RHBDL2: variants seen among roughly 807,000 people sequenced by gnomAD.
The protein encoded by RHBDL2 is rhomboid like 2.
A neutral mutation model predicts 31.7 loss-of-function variants in RHBDL2; 26 were observed. The observed-to-expected ratio is 0.82, with a 90% CI of 0.60 to 1.14. The LOEUF (loss-of-function observed/expected upper bound fraction) is 1.14, where lower values mean the gene tolerates loss of function less well. Ranked by LOEUF, RHBDL2 falls within the 50% of genes most tolerant of loss-of-function variation. RHBDL2 has a pLI of 0.00. For missense variants in RHBDL2, 336 were observed against 364.4 expected (o/e 0.92, Z 0.63); for synonymous variants, 123 against 127.2 (o/e 0.97, Z 0.22).
intron 4 of RHBDL2, among the ~76,000 whole-genome samples, chr1:38,903,909 C>T (rs1643026969): frequency 6.6e-6 from 1 of 152,124 alleles, no homozygotes; most frequent in South Asian, 2.1e-4. Flanking sequence ...AATTAACACA[C>T]TCATATATAC....
intron 1 of RHBDL2, among the ~76,000 whole-genome samples, chr1:38,931,102 G>A (rs765505056): frequency 7.2e-5 from 11 of 152,124 alleles, no homozygotes; most frequent in African/African-American, 2.4e-4. Flanking sequence ...AGTTCACCCC[G>A]GATCAACAGA....
chr1:38,926,564 C>A (rs1324536885), intron 1 of RHBDL2: 1 of 152,252 alleles, frequency 6.6e-6, no homozygotes, highest in African/African-American at 2.4e-5. Context: ...GGGCAGGGCG[C>A]GGTGGCTCAC....
At chr1:38,935,819 G>A (rs545885834) in intron 1 of RHBDL2, among the ~76,000 whole-genome samples, 3 of 152,054 alleles carry the variant, frequency 2.0e-5, no homozygotes, top group East Asian at 1.9e-4. Context: ...TAGCCATGTC[G>A]CCCATGCTGG....
chr1:38,919,016 G>A lies in RHBDL2; in HGVS notation c.197C>T (p.Ala66Val). 6.2e-7 allele frequency: 1 copy of A among 1,614,100 alleles called. No individual in the cohort carries two copies. Among genetic ancestry groups the A allele is most frequent in the Non-Finnish European group, 8.5e-7 (1 of 1,180,014 alleles). The change falls in exon 2 of 8, where the codon GCT becomes GTT. Residue 66 changes from alanine (A) to valine (V), a missense_variant. Coordinates refer to ENST00000372990, the MANE Select transcript of RHBDL2 (RefSeq NM_017821.5). ...GAACACGGGAGGCGGGAAGCAGTTA[G>A]CTCTCTCCAAGTATGTTCCTCGGGA... is the stretch of plus-strand genomic sequence containing the variant. The part of the protein sequence containing the change: ...EKSRGTYLER[A>V]NCFPPPVFII...
chr1:38,922,141 C>T (rs1023629370), intron 1 of RHBDL2, among the ~76,000 whole-genome samples: 12 of 152,140 alleles, frequency 7.9e-5, no homozygotes, highest in Admixed American at 4.6e-4. Context: ...TTGACCCAAC[C>T]GGTTTAGCCA....
intron 4 of RHBDL2, among the ~76,000 whole-genome samples, chr1:38,904,339 G>A (rs1373239072): frequency 6.6e-6 from 1 of 152,026 alleles, no homozygotes; most frequent in Non-Finnish European, 1.5e-5. Flanking sequence ...CAGGTGTGGT[G>A]GTGTGCGCCT....
intron 1 of RHBDL2, among the ~76,000 whole-genome samples, chr1:38,923,370 G>A (rs898135742): frequency 1.3e-5 from 2 of 152,292 alleles, no homozygotes; most frequent in African/African-American, 4.8e-5. Context: ...GGACTTCAGC[G>A]GGGTTGCTGT....
chr1:38,939,837 C>T (rs567124570), intron 1 of RHBDL2, among the ~76,000 whole-genome samples: 1 of 152,166 alleles, frequency 6.6e-6, no homozygotes, highest in South Asian at 2.1e-4. Context: ...CGTGAGCCAC[C>T]GTGCCAGGAC....
intron 4 of RHBDL2, among the ~76,000 whole-genome samples, chr1:38,905,304 A>T (rs2124317870): frequency 6.6e-6 from 1 of 151,264 alleles, no homozygotes; most frequent in Admixed American, 6.6e-5. Context: ...AACTCAGGCA[A>T]TCCTCCTGCC....
intron 4 of RHBDL2, 62 bp from the exon 5 acceptor site, chr1:38,896,131 CTAAT>C: frequency 7.9e-6 from 10 of 1,265,178 alleles, no homozygotes; most frequent in African/African-American, 1.5e-5. Flanking sequence ...ATAAATCTTT[CTAAT>C]CTAAGGTAGA....
At chr1:38,900,384 C>T (rs944890669) in intron 4 of RHBDL2, among the ~76,000 whole-genome samples, 2 of 151,532 alleles carry the variant, frequency 1.3e-5, no homozygotes, top group East Asian at 1.9e-4. Flanking sequence ...CACTTTGGGA[C>T]GACAAGGCAG....
chr1:38,912,963 C>CAT (rs1553159170), intron 3 of RHBDL2, among the ~76,000 whole-genome samples: 2 of 112,272 alleles, frequency 1.8e-5, no homozygotes, highest in East Asian at 2.6e-4. Context: ...TACATATACA[C>CAT]GTGTGTGTGT....
At chr1:38,941,245 A>G (rs1027793007) in intron 1 of RHBDL2, among the ~76,000 whole-genome samples, 1 of 152,212 alleles carries the variant, frequency 6.6e-6, no homozygotes, top group African/African-American at 2.4e-5. Flanking sequence ...TGCGGGTAGA[A>G]GTGGAGACTG....
At chr1:38,932,008 C>A (rs923254546) in intron 1 of RHBDL2, among the ~76,000 whole-genome samples, 1 of 152,188 alleles carries the variant, frequency 6.6e-6, no homozygotes, top group Non-Finnish European at 1.5e-5. Flanking sequence ...AGAAGCTATG[C>A]TGGATACTTT....
intron 4 of RHBDL2, among the ~76,000 whole-genome samples, chr1:38,899,759 G>A (rs1570917363): frequency 6.6e-6 from 1 of 152,246 alleles, no homozygotes; most frequent in Non-Finnish European, 1.5e-5. Context: ...CGAGAGCTGA[G>A]CTGCTGTGTT....
intron 3 of RHBDL2, among the ~76,000 whole-genome samples, chr1:38,914,922 A>G (rs1406053633): frequency 6.6e-6 from 1 of 150,864 alleles, no homozygotes; most frequent in Non-Finnish European, 1.5e-5. Flanking sequence ...CCAGCTACTC[A>G]GGAGGCTGAG....
chr1:38,941,069 C>G (rs1398907519), intron 1 of RHBDL2, among the ~76,000 whole-genome samples: 4 of 152,168 alleles, frequency 2.6e-5, no homozygotes, highest in African/African-American at 9.7e-5. Context: ...TTCTTATTCC[C>G]AAGAGGAGCA....
intron 3 of RHBDL2, among the ~76,000 whole-genome samples, chr1:38,914,076 C>T (rs1205841995): frequency 6.6e-6 from 1 of 151,310 alleles, no homozygotes; most frequent in African/African-American, 2.4e-5. Context: ...GAGATCGCAC[C>T]ACCGCACTCC....
At chr1:38,911,657 CGCGTGT>C (rs1557615213) in intron 3 of RHBDL2, among the ~76,000 whole-genome samples, 5 of 147,638 alleles carry the variant, frequency 3.4e-5, no homozygotes, top group African/African-American at 1.3e-4. Context: ...CGCGCGCGCG[CGCGTGT>C]GTGACTTGCT....
Sources: gnomAD v4.1 joint callset for allele counts (sites outside exome capture counted in the v4.1 genomes callset) on GRCh38, gnomAD v4.1.1 for gene constraint, MANE v1.5 for transcripts, NCBI Gene and HGNC (gene_info 2026-07-23, HGNC 2026-07-21) for gene names.